Variants in FKBP5 observed in about 807,000 individuals in gnomAD.
FKBP5 encodes the protein FKBP prolyl isomerase 5.
In FKBP5, 23 loss-of-function variants were observed where a neutral mutation model predicts 50.5. The ratio of observed to expected loss-of-function variants is 0.46; its 90% CI spans 0.33 to 0.65. The LOEUF (loss-of-function observed/expected upper bound fraction) is 0.65, where lower values mean the gene tolerates loss of function less well. FKBP5 is among the 30% of genes least tolerant of loss of function. The pLI, the probability that FKBP5 is intolerant of heterozygous loss-of-function variation, is 0.02. For missense variants in FKBP5, 411 were observed against 553.1 expected (o/e 0.74, Z 2.58); for synonymous variants, 176 against 190.6 (o/e 0.92, Z 0.63).
chr6:35,626,385 C>T (rs942711303), intron 3 of FKBP5, among the ~76,000 whole-genome samples: 4 of 152,078 alleles, frequency 2.6e-5, no homozygotes, highest in Admixed American at 1.3e-4. Context: ...TAAGATACAA[C>T]ATTTTAATCA....
At chr6:35,631,765 G>T (rs1246142881) in intron 3 of FKBP5, among the ~76,000 whole-genome samples, 1 of 151,894 alleles carries the variant, frequency 6.6e-6, no homozygotes, top group African/African-American at 2.4e-5. Context: ...GACCATCCTG[G>T]CCAACATGGT....
At chr6:35,694,959 G>A (rs1766059002) in intron 2 of FKBP5, among the ~76,000 whole-genome samples, 1 of 152,122 alleles carries the variant, frequency 6.6e-6, no homozygotes, top group South Asian at 2.1e-4. Context: ...ATAGCACAAA[G>A]CAGCATATAA....
intron 6 of FKBP5, among the ~76,000 whole-genome samples, chr6:35,593,294 G>A (rs995397361): frequency 6.6e-6 from 1 of 152,168 alleles, no homozygotes; most frequent in African/African-American, 2.4e-5. Context: ...TGAATTAAGA[G>A]TTTCCTCCAG....
intron 1 of FKBP5, among the ~76,000 whole-genome samples, chr6:35,683,892 T>C (rs1765751108): frequency 6.6e-6 from 1 of 151,846 alleles, no homozygotes; most frequent in African/African-American, 2.4e-5. Context: ...ACCTCGTCTC[T>C]ACCAAAAATA....
At chr6:35,598,771 G>C (rs937622771) in intron 5 of FKBP5, among the ~76,000 whole-genome samples, 1 of 151,844 alleles carries the variant, frequency 6.6e-6, no homozygotes, top group Non-Finnish European at 1.5e-5. Context: ...AGGAGTTTGA[G>C]ACTAGCCTGG....
intron 1 of FKBP5, among the ~76,000 whole-genome samples, chr6:35,662,826 C>T (rs1765109412): frequency 6.6e-6 from 1 of 152,132 alleles, no homozygotes; most frequent in Non-Finnish European, 1.5e-5. Flanking sequence ...ACCATGAATA[C>T]CTACTGAATA....
At chr6:35,686,094 T>C (rs1343290755) in intron 1 of FKBP5, among the ~76,000 whole-genome samples, 1 of 152,144 alleles carries the variant, frequency 6.6e-6, no homozygotes, top group African/African-American at 2.4e-5. Context: ...GCTTCATTTA[T>C]TTAAAAATAC....
chr6:35,601,290 G>A (rs1316374045), intron 5 of FKBP5, among the ~76,000 whole-genome samples: 3 of 152,064 alleles, frequency 2.0e-5, no homozygotes, highest in African/African-American at 7.2e-5. Context: ...GACAACATTC[G>A]GAATGTCAGA....
At chr6:35,675,135 C>T (rs1042398049) in intron 1 of FKBP5, among the ~76,000 whole-genome samples, 1 of 152,202 alleles carries the variant, frequency 6.6e-6, no homozygotes, top group South Asian at 2.1e-4. Flanking sequence ...GAGGTAAGTG[C>T]TCATTTTGTC....
chr6:35,693,655 GA>G (rs35253763), upstream of FKBP5, among the ~76,000 whole-genome samples: 32,440 of 151,384 alleles, frequency 0.21, 4,131 homozygotes, highest in Middle Eastern at 0.33. Flanking sequence ...AAGTAGCTGG[GA>G]TTACAAGGCA....
chr6:35,586,896 A>G, intron 8 of FKBP5, 138 bp downstream of exon 8: 3 of 1,512,332 alleles, frequency 2.0e-6, no homozygotes, highest in Non-Finnish European at 2.7e-6. Flanking sequence ...TCATATTGAA[A>G]ATGACAGATT....
intron 1 of FKBP5, among the ~76,000 whole-genome samples, chr6:35,670,482 C>T (rs1460915322): frequency 1.3e-5 from 2 of 151,934 alleles, no homozygotes; most frequent in East Asian, 3.8e-4. Context: ...GCCTGTGATC[C>T]TAACACTTTG....
chr6:35,619,259 C>G, intron 4 of FKBP5, 49 bp from the exon 5 acceptor site: 3 of 1,319,304 alleles, frequency 2.3e-6, no homozygotes, highest in Non-Finnish European at 3.3e-6. Flanking sequence ...ATAAAGCCAA[C>G]TGAACATATG....
At chr6:35,716,793 C>G (rs942695595) in intron 2 of FKBP5, among the ~76,000 whole-genome samples, 2 of 152,164 alleles carry the variant, frequency 1.3e-5, no homozygotes, top group African/African-American at 2.4e-5. Context: ...AGAAGCCACC[C>G]TTCTGTTGAA....
intron 2 of FKBP5, among the ~76,000 whole-genome samples, chr6:35,718,154 T>C (rs1033761879): frequency 1.3e-5 from 2 of 151,936 alleles, no homozygotes; most frequent in East Asian, 3.9e-4. Context: ...AATTAGGCCA[T>C]AAACGATTAG....
chr6:35,700,094 A>C (rs1000242040), intron 2 of FKBP5, among the ~76,000 whole-genome samples: 1 of 152,096 alleles, frequency 6.6e-6, no homozygotes, highest in Admixed American at 6.6e-5. Flanking sequence ...TAACTAAGGA[A>C]TTGTGTCCAG....
At chr6:35,649,615 T>C (rs1377811495) in intron 1 of FKBP5, among the ~76,000 whole-genome samples, 1 of 152,042 alleles carries the variant, frequency 6.6e-6, no homozygotes, top group East Asian at 1.9e-4. Flanking sequence ...AAGAGAGATG[T>C]AGAGAGAGGC....
intron 1 of FKBP5, among the ~76,000 whole-genome samples, chr6:35,683,827 G>T (rs971954648): frequency 3.3e-5 from 5 of 151,876 alleles, no homozygotes; most frequent in African/African-American, 9.7e-5. Flanking sequence ...CGAGGCAGGC[G>T]GATCACCTAA....
intron 2 of FKBP5, among the ~76,000 whole-genome samples, chr6:35,715,356 G>A (rs1438770713): frequency 3.3e-5 from 5 of 152,172 alleles, no homozygotes; most frequent in African/African-American, 1.2e-4. Flanking sequence ...CCAACTAGAA[G>A]ATGGAGATGA....
Sources: allele counts gnomAD v4.1 joint callset (sites outside exome capture counted in the v4.1 genomes callset), GRCh38; gene constraint gnomAD v4.1.1; transcripts MANE v1.5; gene names NCBI Gene and HGNC (gene_info 2026-07-23, HGNC 2026-07-21).